VPS8: variants seen among roughly 807,000 people sequenced by gnomAD.
VPS8 encodes vacuolar protein sorting-associated protein 8 homolog.
A neutral mutation model predicts 216.4 loss-of-function variants in VPS8; 129 were observed. The ratio of observed to expected loss-of-function variants is 0.60; its 90% CI spans 0.52 to 0.69. The LOEUF (loss-of-function observed/expected upper bound fraction) is 0.69. Among genes scored for constraint, VPS8 ranks in the 30% least tolerant of loss-of-function variants. The probability of loss-of-function intolerance (pLI) is 0.00; values close to 1 mark genes in which losing one functional copy is unlikely to be tolerated. For missense variants in VPS8, 1,531 were observed against 1,683.5 expected (o/e 0.91, Z 1.59); for synonymous variants, 571 against 565.4 (o/e 1.01, Z -0.14).
At chr3:184,814,529 A>G (rs1715891267) in intron 1 of VPS8, among the ~76,000 whole-genome samples, 2 of 152,258 alleles carry the variant, frequency 1.3e-5, no homozygotes, top group Non-Finnish European at 2.9e-5. Flanking sequence ...CCAGCACAGC[A>G]TGTTACTGTA....
chr3:184,878,205 G>A (rs1473393783), intron 21 of VPS8, among the ~76,000 whole-genome samples: 1 of 151,780 alleles, frequency 6.6e-6, no homozygotes, highest in African/African-American at 2.4e-5. Flanking sequence ...CTGCCTCCCG[G>A]GTTCAAGCTA....
At chr3:185,016,709 T>G (rs1577170466) in intron 45 of VPS8, among the ~76,000 whole-genome samples, 1 of 152,324 alleles carries the variant, frequency 6.6e-6, no homozygotes, top group Non-Finnish European at 1.5e-5. Context: ...GGCTCTTAAA[T>G]CAGTTAACAT....
In VPS8 at chr3:184,926,665, A is replaced by G; in HGVS notation, c.2631+15A>G. On this transcript the variant is annotated intron_variant, in intron 31 of 47. Transcript: ENST00000625842. ...AAAGACAGCAGGTATGAACTACTAG[A>G]ACTCTTTTTGCTAAAAAATAGGAAA... 1 of 1,590,850 alleles carries G rather than the reference A, an allele frequency of 6.3e-7. No homozygotes were observed. The highest frequency in any genetic ancestry group is 8.6e-7 in the Non-Finnish European group (1 of 1,168,260).
chr3:184,948,222 C>CTT (rs61186163), intron 36 of VPS8, among the ~76,000 whole-genome samples: 136 of 146,038 alleles, frequency 9.3e-4, no homozygotes, highest in East Asian at 1.2e-3. Flanking sequence ...CATATAGGCT[C>CTT]TTTTTTTTTT....
intron 31 of VPS8, among the ~76,000 whole-genome samples, chr3:184,927,879 A>G (rs906260851): frequency 1.3e-5 from 2 of 152,180 alleles, no homozygotes; most frequent in Admixed American, 6.5e-5. Flanking sequence ...AGGTTCATCC[A>G]TGCCGCAGCA....
chr3:184,884,264 G>A (rs1252360075), intron 21 of VPS8, among the ~76,000 whole-genome samples: 2 of 151,724 alleles, frequency 1.3e-5, no homozygotes, highest in African/African-American at 2.4e-5. Context: ...GGTGTTCCGC[G>A]CCCTGTGTCC....
chr3:185,033,566 G>A (rs142731355), intron 46 of VPS8, among the ~76,000 whole-genome samples: 89 of 152,310 alleles, frequency 5.8e-4, no homozygotes, highest in Middle Eastern at 6.8e-3. Flanking sequence ...TTTGACAATC[G>A]TGACTAAAGC....
intron 46 of VPS8, among the ~76,000 whole-genome samples, chr3:185,038,428 T>C (rs1177055626): frequency 6.6e-6 from 1 of 152,254 alleles, no homozygotes; most frequent in African/African-American, 2.4e-5. Context: ...GGAGCTAGTT[T>C]TGATATTTCT....
chr3:185,031,356 C>A (rs1276221239), intron 46 of VPS8, among the ~76,000 whole-genome samples: 4 of 152,044 alleles, frequency 2.6e-5, no homozygotes, highest in Non-Finnish European at 5.9e-5. Context: ...AAAATGATAG[C>A]CCTTGATCGA....
In VPS8 at chr3:185,052,003, C is replaced by T; in HGVS notation, c.4265C>T (p.Pro1422Leu). 6.2e-7 allele frequency: 1 copy of T among 1,612,944 alleles called. No homozygotes were observed. Among genetic ancestry groups the T allele is most frequent in the South Asian group, 1.1e-5 (1 of 90,782 alleles). Residue 1422 changes from proline (P) to leucine (L), a missense_variant, in exon 48 of 48, where the codon CCT becomes CTT. Pro to Leu is a moderately conservative substitution (Grantham distance 98, BLOSUM62 -3). Around this residue, in one of 3 missense-constraint regions of VPS8, gnomAD observed 1,318 missense variants for 1,468.4 expected, o/e 0.90. Transcript: ENST00000625842. ...GAGAACTTCCAGCTGCAGCTCATTC[C>T]TCCACCTGTGACTGAGGATTGATGA... ...QNENFQLQLI[P>L]PPVTED is the part of the protein sequence containing the mutation.
chr3:184,937,618 C>T (rs1190829857), intron 35 of VPS8, among the ~76,000 whole-genome samples: 3 of 152,058 alleles, frequency 2.0e-5, no homozygotes, highest in Non-Finnish European at 2.9e-5. Context: ...TGATGGATTG[C>T]GAGAAAGACA....
intron 45 of VPS8, among the ~76,000 whole-genome samples, chr3:185,009,260 AT>A (rs1328437605): frequency 6.6e-6 from 1 of 152,228 alleles, no homozygotes; most frequent in African/African-American, 2.4e-5. Flanking sequence ...GACATAAGAA[AT>A]TCTGTTGTCC....
chr3:184,888,411 G>A (rs1731709585), intron 22 of VPS8, among the ~76,000 whole-genome samples: 1 of 152,180 alleles, frequency 6.6e-6, no homozygotes, highest in African/African-American at 2.4e-5. Flanking sequence ...TTTAGCTGAT[G>A]GACAGTGATT....
chr3:184,823,915 A>G (rs1029105468), intron 1 of VPS8, among the ~76,000 whole-genome samples: 2 of 152,218 alleles, frequency 1.3e-5, no homozygotes, highest in African/African-American at 4.8e-5. Context: ...CTCTCTGAAA[A>G]TGTCCATGTT....
At chr3:185,029,856 G>A (rs1398103262) in intron 46 of VPS8, among the ~76,000 whole-genome samples, 1 of 152,082 alleles carries the variant, frequency 6.6e-6, no homozygotes, top group Non-Finnish European at 1.5e-5. Context: ...GAGCTACCAC[G>A]CCCTGCCCAC....
chr3:184,975,255 T>A (rs1749068657), intron 40 of VPS8, among the ~76,000 whole-genome samples: 1 of 152,134 alleles, frequency 6.6e-6, no homozygotes, highest in African/African-American at 2.4e-5. Context: ...TATAAAGGTC[T>A]TTCACCTCCT....
intron 45 of VPS8, among the ~76,000 whole-genome samples, chr3:185,004,525 G>GGAGA (rs1753963636): frequency 2.6e-5 from 1 of 39,082 alleles, no homozygotes; most frequent in Non-Finnish European, 1.1e-4. Flanking sequence ...AGAGGGAGAG[G>GGAGA]GAGAGCTCTT....
intron 1 of VPS8, among the ~76,000 whole-genome samples, chr3:184,820,189 A>G (rs1420505080): frequency 6.6e-6 from 1 of 152,192 alleles, no homozygotes; most frequent in Non-Finnish European, 1.5e-5. Context: ...ACAGTTCAGT[A>G]CTTCACAAGT....
At chr3:184,940,134 C>G in intron 35 of VPS8, 63 bp from the exon 36 acceptor site, 1 of 988,722 alleles carries the variant, frequency 1.0e-6, no homozygotes, top group Non-Finnish European at 1.5e-6. Flanking sequence ...AGTTCTTTAC[C>G]ATGGAATATT....
Sources: allele counts gnomAD v4.1 joint callset (sites outside exome capture counted in the v4.1 genomes callset), GRCh38; gene constraint gnomAD v4.1.1; regional missense constraint gnomAD v4.1.1; transcripts MANE v1.5; gene names NCBI Gene and HGNC (gene_info 2026-07-23, HGNC 2026-07-21).